SLC24A3: variants seen among roughly 807,000 people sequenced by gnomAD.
SLC24A3 encodes solute carrier family 24 member 3.
SLC24A3 carries 28 observed loss-of-function variants against 75.8 expected under a neutral mutation model. That is an observed-to-expected ratio of 0.37 (90% CI 0.27 to 0.51). SLC24A3 has a LOEUF of 0.51. Among genes scored for constraint, SLC24A3 ranks in the 20% least tolerant of loss-of-function variants. The pLI, the probability that SLC24A3 is intolerant of heterozygous loss-of-function variation, is 0.94. For synonymous variants in SLC24A3, 372 were observed against 334.1 expected, an observed-to-expected ratio of 1.11 and a Z score of -1.24; for missense variants, 663 against 847.8, an observed-to-expected ratio of 0.78 and a Z score of 2.71.
chr20:19,475,011 A>G (rs1987938799), intron 2 of SLC24A3, among the ~76,000 whole-genome samples: 1 of 152,174 alleles, frequency 6.6e-6, no homozygotes, highest in East Asian at 1.9e-4. Flanking sequence ...ACAGTTCACA[A>G]TAGAGGTGAC....
At chr20:19,488,329 G>C (rs1391616266) in intron 2 of SLC24A3, among the ~76,000 whole-genome samples, 1 of 152,166 alleles carries the variant, frequency 6.6e-6, no homozygotes, top group Non-Finnish European at 1.5e-5. Flanking sequence ...CCTCTTGCCT[G>C]ACTTAATACT....
intron 2 of SLC24A3, among the ~76,000 whole-genome samples, chr20:19,478,840 T>C (rs540000422): frequency 2.0e-5 from 3 of 152,240 alleles, no homozygotes; most frequent in African/African-American, 7.2e-5. Flanking sequence ...CTCAAGTTCA[T>C]CTGCATCCCC....
intron 2 of SLC24A3, among the ~76,000 whole-genome samples, chr20:19,371,621 T>A (rs1985994022): frequency 6.6e-6 from 1 of 152,104 alleles, no homozygotes; most frequent in South Asian, 2.1e-4. Flanking sequence ...AGGGACAAAA[T>A]CCCCACACTC....
At chr20:19,643,729 T>C (rs16980954) in intron 6 of SLC24A3, among the ~76,000 whole-genome samples, 10,709 of 152,282 alleles carry the variant, frequency 0.07, 413 homozygotes, top group Middle Eastern at 0.17. Flanking sequence ...ACCTGGTAGG[T>C]ATTCACTTCC....
At chr20:19,515,361 C>T in intron 2 of SLC24A3, 127 bp from the exon 3 acceptor site, 1 of 914,668 alleles carries the variant, frequency 1.1e-6, no homozygotes, top group Non-Finnish European at 1.7e-6. Context: ...GTTTTGTGAA[C>T]TTAAAGATTC....
chr20:19,678,366 G>C (rs2032555887), intron 9 of SLC24A3, among the ~76,000 whole-genome samples: 1 of 130,460 alleles, frequency 7.7e-6, no homozygotes, highest in African/African-American at 3.0e-5. Context: ...TCCCGGACGG[G>C]GCGGCTGGCC....
intron 2 of SLC24A3, among the ~76,000 whole-genome samples, chr20:19,415,812 A>C (rs1316529211): frequency 1.3e-5 from 2 of 152,188 alleles, no homozygotes; most frequent in South Asian, 4.1e-4. Flanking sequence ...ATATACAGTA[A>C]ACCTAAAGTC....
At chr20:19,482,956 A>C (rs545822580) in intron 2 of SLC24A3, among the ~76,000 whole-genome samples, 1 of 152,296 alleles carries the variant, frequency 6.6e-6, no homozygotes, top group Admixed American at 6.5e-5. Context: ...GAATCACAAA[A>C]ATGGCCCATG....
chr20:19,613,463 T>C (rs904723608), intron 6 of SLC24A3, among the ~76,000 whole-genome samples: 1 of 152,106 alleles, frequency 6.6e-6, no homozygotes, highest in Non-Finnish European at 1.5e-5. Context: ...TTCTAAAGAG[T>C]TCTTTTTTAG....
intron 15 of SLC24A3, among the ~76,000 whole-genome samples, chr20:19,713,243 T>C (rs541031576): frequency 1.3e-5 from 2 of 152,352 alleles, no homozygotes; most frequent in East Asian, 3.9e-4. Context: ...GGACATGCCC[T>C]GCTCTTAAAA....
chr20:19,518,846 G>T (rs2030046666), intron 3 of SLC24A3, among the ~76,000 whole-genome samples: 1 of 152,218 alleles, frequency 6.6e-6, no homozygotes, highest in South Asian at 2.1e-4. Context: ...AAAAGGCTCA[G>T]GGCCATTTGG....
intron 2 of SLC24A3, among the ~76,000 whole-genome samples, chr20:19,452,376 A>ATGTGTGTGTGTGTGTGTGTGTGTG (rs34840970): frequency 8.8e-6 from 1 of 113,000 alleles, no homozygotes. Context: ...CCTGTGGGGG[A>ATGTGTGTGTGTGTGTGTGTGTGTG]TGTGTGTGTG....
intron 3 of SLC24A3, among the ~76,000 whole-genome samples, chr20:19,553,822 G>C (rs1450185832): frequency 6.6e-6 from 1 of 152,088 alleles, no homozygotes; most frequent in Non-Finnish European, 1.5e-5. Flanking sequence ...AAATATTTGA[G>C]TGCAAAAAAA....
intron 6 of SLC24A3, among the ~76,000 whole-genome samples, chr20:19,635,763 G>A (rs940881920): frequency 6.6e-6 from 1 of 152,102 alleles, no homozygotes; most frequent in Admixed American, 6.6e-5. Context: ...TATGTGGCTT[G>A]GGCCTCCTTA....
chr20:19,612,714 C>T (rs1296587375), intron 6 of SLC24A3, among the ~76,000 whole-genome samples: 1 of 152,004 alleles, frequency 6.6e-6, no homozygotes, highest in Non-Finnish European at 1.5e-5. Flanking sequence ...CCATCTGGCT[C>T]AGCTGCCACA....
At chr20:19,280,854 C>G in intron 1 of SLC24A3, 105 bp from the exon 2 acceptor site, 2 of 1,469,350 alleles carry the variant, frequency 1.4e-6, no homozygotes, top group Admixed American at 4.2e-5. Flanking sequence ...GGGGTGCAGG[C>G]GGGGCTGAAC....
intron 3 of SLC24A3, among the ~76,000 whole-genome samples, chr20:19,568,009 A>G (rs1455801784): frequency 6.6e-6 from 1 of 152,224 alleles, no homozygotes; most frequent in Non-Finnish European, 1.5e-5. Context: ...AATGATATAT[A>G]AATAGCCAAT....
intron 6 of SLC24A3, among the ~76,000 whole-genome samples, chr20:19,619,817 AAAG>A (rs2031781197): frequency 6.6e-6 from 1 of 152,220 alleles, no homozygotes. Flanking sequence ...TAGGGTCTTA[AAAG>A]AAGACCAAGT....
chr20:19,562,861 C>A (rs1488895143), intron 3 of SLC24A3, among the ~76,000 whole-genome samples: 1 of 152,132 alleles, frequency 6.6e-6, no homozygotes, highest in Admixed American at 6.5e-5. Context: ...ACTCCAGGAA[C>A]ACATCCTATG....
Sources: gnomAD v4.1 joint callset for allele counts (sites outside exome capture counted in the v4.1 genomes callset) on GRCh38, gnomAD v4.1.1 for gene constraint, MANE v1.5 for transcripts, NCBI Gene and HGNC (gene_info 2026-07-23, HGNC 2026-07-21) for gene names.